The following STAG3 variants were observed in gnomAD, a reference collection of about 807,000 sequenced individuals.
The protein encoded by STAG3 is STAG3 cohesin complex component.
Under a neutral mutation model 160.7 loss-of-function variants are expected in STAG3, and 101 were observed. The ratio of observed to expected loss-of-function variants is 0.63; its 90% confidence interval spans 0.54 to 0.74. The LOEUF is 0.74. STAG3 is among the 30% of genes least tolerant of loss of function. The pLI, the probability that STAG3 is intolerant of heterozygous loss-of-function variation, is 0.00. For missense variants in STAG3, 1,188 were observed against 1,517.4 expected, an observed-to-expected ratio of 0.78 and a Z score of 3.61; for synonymous variants, 519 against 585.0, an observed-to-expected ratio of 0.89 and a Z score of 1.63.
intron 5 of STAG3, among the ~76,000 whole-genome samples, chr7:100,186,797 G>A (rs940898826): frequency 1.3e-5 from 2 of 152,196 alleles, no homozygotes; most frequent in Non-Finnish European, 2.9e-5. Context: ...TAGGGAAAAA[G>A]AAGTAATCAC....
chr7:100,178,429 C>A (rs1050887466), intron 1 of STAG3, among the ~76,000 whole-genome samples: 1 of 151,984 alleles, frequency 6.6e-6, no homozygotes, highest in South Asian at 2.1e-4. Flanking sequence ...CTGGGGTCTT[C>A]TTGTATTTTT....
At chr7:100,200,738 C>T in intron 18 of STAG3, 31 bp from the exon 19 acceptor site, 1 of 1,610,620 alleles carries the variant, frequency 6.2e-7, no homozygotes, top group Non-Finnish European at 8.5e-7. Context: ...CCCATCCCCA[C>T]AGCACACCAT....
rs751385408 is a variant in STAG3 at position 100,204,042 on chromosome 7, A to G, written c.2722A>G (p.Ile908Val). 4.3e-6 allele frequency: 7 copies of G among 1,613,632 alleles called. No homozygotes were observed. The African/African-American group carries it at 9.3e-5, about 22-fold the overall frequency. ...YNKFYNDYGD[I>V]IKETLTRARQ... is the part of the protein sequence containing the mutation. ...TCAGTTCTACAATGACTATGGTGAC[A>G]TTATCAAGGAAACATTAACTAGAGC... Residue 908 changes from isoleucine (I) to valine (V), a missense_variant, in exon 26 of 34, where the codon ATT becomes GTT. Coordinates refer to ENST00000615138, the MANE Select transcript of STAG3 (RefSeq NM_001282717.2).
At position 100,200,678 on chromosome 7, in the gene STAG3, G is replaced by T. The variant is rs1801051144; in HGVS notation, c.1861-91G>T. The T allele has an allele frequency of 7.1e-6, 11 of 1,550,062 alleles. No individual in the cohort carries two copies. In the Admixed American group the frequency reaches 2.0e-4, roughly 28 times the overall value. On this transcript the variant is annotated intron_variant, in intron 18 of 33. Transcript: ENST00000615138. ...TTTTCTTAGGCATCTTATCCTTGAA[G>T]TTTAATGCTTTTAACCCCGTTCCAC...
At chr7:100,215,176 A>T (rs1464269038), downstream of STAG3, 3 of 152,128 alleles carry the variant, frequency 2.0e-5, no homozygotes, top group African/African-American at 7.3e-5. Flanking sequence ...TCTTTAGATA[A>T]AATTTCCAGT....
chr7:100,182,467 TGAAGAGAAAA>T (rs1387159481), intron 3 of STAG3, among the ~76,000 whole-genome samples: 1 of 151,750 alleles, frequency 6.6e-6, no homozygotes, highest in African/African-American at 2.4e-5. Flanking sequence ...AGAGAAATTT[TGAAGAGAAAA>T]GAAGAGAAAA....
At chr7:100,195,191 G>T (rs1023828702) in intron 8 of STAG3, 118 bp from the exon 9 acceptor site, 13 of 861,620 alleles carry the variant, frequency 1.5e-5, no homozygotes, top group Non-Finnish European at 2.3e-5. Context: ...GATTACGGGG[G>T]TTCACACTAT....
In STAG3 at chr7:100,200,464, T is replaced by C; in HGVS notation, c.1782T>C (p.Asp594=). 6.2e-7 allele frequency: 1 copy of C among 1,614,042 alleles called. No individual in the cohort carries two copies. Among genetic ancestry groups the C allele is most frequent in the Non-Finnish European group, 8.5e-7 (1 of 1,179,940 alleles). ...LPQLLAKFSA[D]AEKVTPLLQL... ...GTCAATCATCACAGTTCTCAGCTGA[T>C]GCAGAGAAGGTCACTCCCCTGCTCC... The change falls in exon 18 of 34, where the codon GAT becomes GAC. Residue 594 remains aspartate (D), a synonymous_variant. Transcript: ENST00000615138.
At position 100,187,119 on chromosome 7, in the gene STAG3, C is replaced by T. The variant is rs115645792; in HGVS notation, c.433+823C>T. 4.3e-3 allele frequency among the ~76,000 whole-genome samples: 658 copies of T among 152,156 alleles called. 6 individuals carry two copies. The highest frequency in any genetic ancestry group is 0.015 in the African/African-American group (627 of 41,484). On this transcript the variant is annotated intron_variant, in intron 5 of 33. Transcript: ENST00000615138. The stretch of plus-strand genomic sequence containing the variant: ...TGATCTCGGCTCACTGCAACCTCTA[C>T]ATCCTGGATTTAAGCGATTCTCGTG...
chr7:100,183,550 T>G (rs1455664240), intron 4 of STAG3, among the ~76,000 whole-genome samples: 1 of 152,344 alleles, frequency 6.6e-6, no homozygotes, highest in South Asian at 2.1e-4. Flanking sequence ...TGTACAAAGC[T>G]TATATGTAGT....
At chr7:100,195,093 G>T (rs1309126283) in intron 8 of STAG3, among the ~76,000 whole-genome samples, 3 of 152,182 alleles carry the variant, frequency 2.0e-5, no homozygotes, top group Non-Finnish European at 4.4e-5. Context: ...ATGCAGAGGG[G>T]TTATTATTTT....
intron 31 of STAG3, 48 bp downstream of exon 31, chr7:100,211,587 ACTGTGAGGGGATTC>A: frequency 6.3e-7 from 1 of 1,592,196 alleles, no homozygotes; most frequent in Admixed American, 1.7e-5. Flanking sequence ...TCTGTCGCCC[ACTGTGAGGGGATTC>A]CTGTCTCACC....
intron 5 of STAG3, among the ~76,000 whole-genome samples, chr7:100,186,799 A>C (rs1800030641): frequency 6.6e-6 from 1 of 152,218 alleles, no homozygotes; most frequent in Non-Finnish European, 1.5e-5. Context: ...GGGAAAAAGA[A>C]GTAATCACGC....
At chr7:100,211,649 G>C in intron 31 of STAG3, 110 bp downstream of exon 31, 4 of 1,427,800 alleles carry the variant, frequency 2.8e-6, no homozygotes, top group Non-Finnish European at 2.9e-6. Context: ...ACTTGTTTTA[G>C]CCACAGAGCA....
chr7:100,218,590 T>A (rs397833358), downstream of STAG3: 267 of 396,958 alleles, frequency 6.7e-4, 1 homozygote, highest in African/African-American at 5.2e-3. Flanking sequence ...TCCTCAGTTA[T>A]AAAGTGAAGG....
chr7:100,212,150 C>CT, intron 32 of STAG3: 1 of 329,740 alleles, frequency 3.0e-6, no homozygotes. Flanking sequence ...TCCGAACCCC[C>CT]TAGGAATTGG....
rs1040663665 is a variant in STAG3 at position 100,188,400 on chromosome 7, T to A, written c.434-53T>A. On this transcript the variant is annotated intron_variant, in intron 5 of 33. Transcript: ENST00000615138. ...CATCTTCAGGTATATCTGTAAATGATCAAAGCATCCTGTTATTTTCCTTGT... is the reference window on the plus strand; with the variant it reads ...CATCTTCAGGTATATCTGTAAATGAACAAAGCATCCTGTTATTTTCCTTGT... The A allele has an allele frequency of 1.0e-5, 12 of 1,191,566 alleles. No homozygotes were observed. The African/African-American group carries it at 1.8e-4, about 18-fold the overall frequency. The allele number at this position is 1,191,566 out of a possible 1,614,324, so 73.8% of individuals were successfully genotyped here.
intron 26 of STAG3, among the ~76,000 whole-genome samples, chr7:100,204,374 AT>A (rs1192526021): frequency 6.6e-6 from 1 of 152,138 alleles, no homozygotes; most frequent in East Asian, 1.9e-4. Flanking sequence ...GGAGTTCCTA[AT>A]TATTTTTCAG....
At chr7:100,219,245 C>T (rs1320878640), downstream of STAG3, 1 of 154,748 alleles carries the variant, frequency 6.5e-6, no homozygotes, top group African/African-American at 2.4e-5. Flanking sequence ...TTCTGCACTG[C>T]TAGGGCAGAG....
Sources: gnomAD v4.1 joint callset for allele counts (sites outside exome capture counted in the v4.1 genomes callset) on GRCh38, gnomAD v4.1.1 for gene constraint, MANE v1.5 for transcripts, NCBI Gene and HGNC (gene_info 2026-07-23, HGNC 2026-07-21) for gene names.